Variants in N4BP2L2 observed in about 807,000 individuals in gnomAD.
N4BP2L2 encodes the protein NEDD4-binding protein 2-like 2.
A neutral mutation model predicts 56.2 loss-of-function variants in N4BP2L2; 50 were observed. The observed-to-expected ratio is 0.89, with a 90% CI of 0.71 to 1.13. The LOEUF (loss-of-function observed/expected upper bound fraction) is 1.13, where lower values mean the gene tolerates loss of function less well. N4BP2L2 is among the 50% of genes most tolerant of loss of function. N4BP2L2 has a pLI of 0.00. For synonymous variants in N4BP2L2, 203 were observed against 223.6 expected (o/e 0.91, Z 0.82); for missense variants, 689 against 693.8 (o/e 0.99, Z 0.08).
At chr13:32,439,862 A>C (rs1172396104) in intron 7 of N4BP2L2, among the ~76,000 whole-genome samples, 31 of 147,096 alleles carry the variant, frequency 2.1e-4, no homozygotes, top group African/African-American at 7.6e-4. Flanking sequence ...AATCCAAAAA[A>C]AAAAAAAAAA....
chr13:32,535,921 T>C (rs1421225110), exon 2 of N4BP2L2: 3 of 1,614,032 alleles, frequency 1.9e-6, no homozygotes, highest in African/African-American at 1.3e-5. Context: ...AGCATCTTTC[T>C]CTGACTTCAC....
chr13:32,439,607 C>T (rs182621460), intron 7 of N4BP2L2, among the ~76,000 whole-genome samples: 24 of 152,264 alleles, frequency 1.6e-4, no homozygotes, highest in African/African-American at 5.3e-4. Flanking sequence ...CCTTGGACTA[C>T]GATCTCAGAA....
At chr13:32,531,947 C>G (rs1040153227) in intron 2 of N4BP2L2, among the ~76,000 whole-genome samples, 3 of 152,150 alleles carry the variant, frequency 2.0e-5, no homozygotes, top group Non-Finnish European at 4.4e-5. Context: ...TGGGATGTTC[C>G]ATCATCTTCA....
exon 10 of N4BP2L2, chr13:32,432,632 G>C (rs1825370889): frequency 6.6e-6 from 1 of 152,106 alleles, no homozygotes; most frequent in Non-Finnish European, 1.5e-5. Context: ...TTCTAGAAAT[G>C]GGATCTCAGA....
chr13:32,485,110 T>C (rs1027491212), intron 6 of N4BP2L2, among the ~76,000 whole-genome samples: 1 of 152,242 alleles, frequency 6.6e-6, no homozygotes, highest in African/African-American at 2.4e-5. Context: ...TGTCATTTGT[T>C]TTCTTTCCTT....
intron 6 of N4BP2L2, among the ~76,000 whole-genome samples, chr13:32,484,340 A>C (rs1297237803): frequency 6.6e-6 from 1 of 152,206 alleles, no homozygotes; most frequent in Non-Finnish European, 1.5e-5. Flanking sequence ...AAATAAATAC[A>C]TAAAAAATAA....
At chr13:32,484,157 T>C (rs1763567226) in intron 6 of N4BP2L2, among the ~76,000 whole-genome samples, 1 of 130,162 alleles carries the variant, frequency 7.7e-6, no homozygotes, top group African/African-American at 2.6e-5. Context: ...ACCCCATCTC[T>C]ACAAAAAATA....
intron 6 of N4BP2L2, among the ~76,000 whole-genome samples, chr13:32,463,812 T>A (rs2080688645): frequency 6.9e-6 from 1 of 145,462 alleles, no homozygotes; most frequent in Non-Finnish European, 1.5e-5. Flanking sequence ...GAACTGTATA[T>A]CCAGTAAAAC....
exon 7 of N4BP2L2, chr13:32,443,376 G>A: frequency 6.2e-7 from 1 of 1,614,002 alleles, no homozygotes. Context: ...CTGCAGGCCA[G>A]CTACCAAAAT....
At chr13:32,461,440 C>A (rs546085005) in intron 6 of N4BP2L2, among the ~76,000 whole-genome samples, 2 of 152,060 alleles carry the variant, frequency 1.3e-5, no homozygotes, top group East Asian at 3.9e-4. Context: ...AAAGAAAAAA[C>A]AACAATCTCA....
At chr13:32,499,806 T>C (rs2089604149) in intron 6 of N4BP2L2, among the ~76,000 whole-genome samples, 1 of 152,160 alleles carries the variant, frequency 6.6e-6, no homozygotes, top group Non-Finnish European at 1.5e-5. Context: ...GGCAGGAAGC[T>C]TATAGTCCAA....
intron 2 of N4BP2L2, among the ~76,000 whole-genome samples, chr13:32,531,727 G>A (rs926283851): frequency 1.4e-4 from 22 of 152,086 alleles, no homozygotes; most frequent in African/African-American, 5.1e-4. Flanking sequence ...TCTAAACTAC[G>A]GTAAGTATAT....
rs1229727400 is a variant in N4BP2L2 at position 32,478,274 on chromosome 13, T to C, written c.366-34148A>G. 9.9e-5 allele frequency: 28 copies of C among 283,162 alleles called. No homozygotes were observed. The East Asian group carries it at 2.2e-3, about 22-fold the overall frequency. 17.5% of individuals were successfully genotyped at this position (283,162 alleles called of 1,614,324 possible). ...TCAGACACCTTCTTCCATCCTAGAG[T>C]CCTGTGAATTTAATGACCCCAAATT... is the stretch of plus-strand genomic sequence containing the variant. On this transcript the variant is annotated intron_variant, in intron 6 of 9. Coordinates refer to the N4BP2L2 transcript ENST00000357505.
intron 2 of N4BP2L2, among the ~76,000 whole-genome samples, chr13:32,534,951 T>C (rs575217113): frequency 6.6e-6 from 1 of 152,182 alleles, no homozygotes; most frequent in African/African-American, 2.4e-5. Context: ...AAAAAGGAAT[T>C]TGAAATATCT....
chr13:32,523,683 C>CA (rs56815965), intron 3 of N4BP2L2: 4,153 of 68,750 alleles, frequency 0.06, 227 homozygotes, highest in African/African-American at 0.15. Context: ...GACTCCGTCT[C>CA]AAAAAAAAAA....
rs1566161279 is a variant in N4BP2L2 at position 32,517,871 on chromosome 13, TGGA to T, written c.1680_1682del (p.Pro561del). 5.0e-6 allele frequency: 8 copies of T among 1,614,082 alleles called. No homozygotes were observed. The Admixed American group carries it at 8.3e-5, about 17-fold the overall frequency. ...AGCCTCCCCACCTCTGTCTCCCCTG[TGGA>T]GGAGGAGGTCTTTGTGTGCTTTTGT... is the stretch of plus-strand genomic sequence containing the variant. On this transcript the variant is annotated inframe_deletion, in exon 6 of 6. Transcript: ENST00000267068.
chr13:32,538,232 G>A (rs1471955961), intron 1 of N4BP2L2, among the ~76,000 whole-genome samples: 1 of 152,214 alleles, frequency 6.6e-6, no homozygotes, highest in Non-Finnish European at 1.5e-5. Context: ...ATGCAAGCAG[G>A]CCACAGAGCT....
intron 6 of N4BP2L2, among the ~76,000 whole-genome samples, chr13:32,501,075 C>G: frequency 6.6e-6 from 1 of 152,052 alleles, no homozygotes; most frequent in Non-Finnish European, 1.5e-5. Context: ...GCCATTTTAC[C>G]CAGGCTGGTC....
intron 6 of N4BP2L2, among the ~76,000 whole-genome samples, chr13:32,501,193 G>A (rs994923874): frequency 2.0e-5 from 3 of 152,082 alleles, no homozygotes; most frequent in Non-Finnish European, 4.4e-5. Flanking sequence ...TGTGAAAACA[G>A]AAAACTGACA....
Sources: allele counts gnomAD v4.1 joint callset (sites outside exome capture counted in the v4.1 genomes callset), GRCh38; gene constraint gnomAD v4.1.1; transcripts MANE v1.5; gene names NCBI Gene and HGNC (gene_info 2026-07-23, HGNC 2026-07-21).